TRAPPC9: variants seen among roughly 807,000 people sequenced by gnomAD.
The protein encoded by TRAPPC9 is IKK2 binding protein.
TRAPPC9 carries 83 observed loss-of-function variants against 124.0 expected under a neutral mutation model. The observed-to-expected ratio is 0.67, with a 90% CI of 0.56 to 0.80. The LOEUF is 0.80. Among genes scored for constraint, TRAPPC9 ranks in the 30% least tolerant of loss-of-function variants. The pLI is 0.00. For synonymous variants in TRAPPC9, 638 were observed against 617.5 expected (o/e 1.03, Z -0.49); for missense variants, 1,302 against 1,508.3 (o/e 0.86, Z 2.27).
intron 15 of TRAPPC9, among the ~76,000 whole-genome samples, chr8:140,266,086 T>C (rs2064642613): frequency 6.6e-6 from 1 of 152,214 alleles, no homozygotes; most frequent in South Asian, 2.1e-4. Flanking sequence ...TGTTTCTTAA[T>C]TTCAGCTTTA....
intron 17 of TRAPPC9, among the ~76,000 whole-genome samples, chr8:140,169,456 G>A (rs2061918856): frequency 6.6e-6 from 1 of 152,162 alleles, no homozygotes; most frequent in African/African-American, 2.4e-5. Context: ...TGGAAAACAG[G>A]CATCCAAGCA....
chr8:140,346,407 C>T (rs1480235066), intron 9 of TRAPPC9, among the ~76,000 whole-genome samples: 1 of 152,200 alleles, frequency 6.6e-6, no homozygotes, highest in Non-Finnish European at 1.5e-5. Flanking sequence ...GCAGATTTTC[C>T]AGCTCCTCCT....
intron 19 of TRAPPC9, among the ~76,000 whole-genome samples, chr8:139,958,492 T>C (rs1210403335): frequency 1.3e-5 from 2 of 152,210 alleles, no homozygotes; most frequent in African/African-American, 2.4e-5. Context: ...GTGCCTGCTC[T>C]GCAGGCTTAC....
intron 21 of TRAPPC9, among the ~76,000 whole-genome samples, chr8:139,758,902 G>A (rs183891514): frequency 1.3e-5 from 2 of 152,316 alleles, no homozygotes; most frequent in African/African-American, 2.4e-5. Context: ...ATCCTCCAGC[G>A]GACCCTAGCC....
intron 7 of TRAPPC9, among the ~76,000 whole-genome samples, chr8:140,384,050 A>T (rs1316311736): frequency 6.6e-6 from 1 of 152,230 alleles, no homozygotes; most frequent in Non-Finnish European, 1.5e-5. Context: ...AGAATTTCAT[A>T]TCCAGCCAAA....
At chr8:139,911,193 A>G (rs1331439853) in intron 19 of TRAPPC9, 2 of 151,946 alleles carry the variant, frequency 1.3e-5, no homozygotes, top group South Asian at 2.1e-4. Context: ...GTCACACAAG[A>G]TCTGATGGTT....
chr8:140,394,154 T>C (rs1464944525), intron 7 of TRAPPC9, among the ~76,000 whole-genome samples: 1 of 152,250 alleles, frequency 6.6e-6, no homozygotes, highest in Non-Finnish European at 1.5e-5. Flanking sequence ...ATTCCCTGCA[T>C]GCCCAATTGA....
chr8:140,091,618 G>A, intron 17 of TRAPPC9, among the ~76,000 whole-genome samples: 1 of 152,178 alleles, frequency 6.6e-6, no homozygotes, highest in East Asian at 1.9e-4. Context: ...GTCAAGGATG[G>A]AGCTAATATT....
At chr8:139,866,479 G>A (rs1587029206) in intron 21 of TRAPPC9, among the ~76,000 whole-genome samples, 1 of 152,200 alleles carries the variant, frequency 6.6e-6, no homozygotes, top group Non-Finnish European at 1.5e-5. Flanking sequence ...GGGGAAGGCA[G>A]GAACCTGTGG....
intron 17 of TRAPPC9, chr8:140,040,335 A>G (rs1841186151): frequency 6.6e-6 from 1 of 152,236 alleles, no homozygotes. Context: ...TCCAACATCC[A>G]TGGACACTGC....
chr8:140,070,443 G>A (rs964155553), intron 17 of TRAPPC9, among the ~76,000 whole-genome samples: 14 of 152,010 alleles, frequency 9.2e-5, no homozygotes, highest in Admixed American at 5.9e-4. Context: ...TAATACATAC[G>A]CATATATATA....
chr8:139,811,906 G>T (rs1005742109), intron 21 of TRAPPC9, among the ~76,000 whole-genome samples: 15 of 152,300 alleles, frequency 9.8e-5, no homozygotes, highest in African/African-American at 3.6e-4. Context: ...AACTGAAGAA[G>T]TAAACTGATA....
At chr8:139,747,185 C>T (rs1818956183) in intron 21 of TRAPPC9, among the ~76,000 whole-genome samples, 1 of 152,206 alleles carries the variant, frequency 6.6e-6, no homozygotes, top group Non-Finnish European at 1.5e-5. Flanking sequence ...GCCACCCAGG[C>T]AGGCCCCCCG....
intron 17 of TRAPPC9, among the ~76,000 whole-genome samples, chr8:140,201,439 G>A (rs1377536434): frequency 6.6e-6 from 1 of 152,126 alleles, no homozygotes; most frequent in Non-Finnish European, 1.5e-5. Context: ...ATTTTTCCAA[G>A]GATACTGCCT....
intron 21 of TRAPPC9, among the ~76,000 whole-genome samples, chr8:139,865,731 G>T (rs982109292): frequency 3.3e-5 from 5 of 152,196 alleles, no homozygotes; most frequent in Non-Finnish European, 5.9e-5. Flanking sequence ...GGTCCAGGGA[G>T]GGGGAGGAAG....
chr8:139,953,853 A>T (rs146565807), intron 19 of TRAPPC9, among the ~76,000 whole-genome samples: 90 of 152,358 alleles, frequency 5.9e-4, no homozygotes, highest in African/African-American at 2.1e-3. Context: ...ACTCATGATC[A>T]GGGAAATTCA....
intron 5 of TRAPPC9, among the ~76,000 whole-genome samples, chr8:140,408,576 G>A (rs1441556242): frequency 6.6e-6 from 1 of 152,100 alleles, no homozygotes. Context: ...ATGGCTAACA[G>A]GCTAGCACCA....
At chr8:140,153,898 G>C (rs1468129162) in intron 17 of TRAPPC9, among the ~76,000 whole-genome samples, 1 of 152,102 alleles carries the variant, frequency 6.6e-6, no homozygotes, top group Non-Finnish European at 1.5e-5. Flanking sequence ...CTGGCACCCA[G>C]AGCTCATTCA....
At chr8:140,035,099 T>A (rs1840794268) in intron 17 of TRAPPC9, among the ~76,000 whole-genome samples, 1 of 152,236 alleles carries the variant, frequency 6.6e-6, no homozygotes, top group Non-Finnish European at 1.5e-5. Flanking sequence ...ATAAATGTAG[T>A]AAAACTGAAA....
Sources: allele counts gnomAD v4.1 joint callset (sites outside exome capture counted in the v4.1 genomes callset), GRCh38; gene constraint gnomAD v4.1.1; transcripts MANE v1.5; gene names NCBI Gene and HGNC (gene_info 2026-07-23, HGNC 2026-07-21).